Variants in NKAIN2 observed in about 807,000 individuals in gnomAD.
NKAIN2 encodes the protein sodium/potassium transporting ATPase interacting 2.
In NKAIN2, 14 loss-of-function variants were observed where a neutral mutation model predicts 32.6. That is an observed-to-expected ratio of 0.43 (90% CI 0.28 to 0.67). The LOEUF is 0.67. NKAIN2 is among the 30% of genes least tolerant of loss of function. NKAIN2 has a pLI of 0.17. For synonymous variants in NKAIN2, 80 were observed against 87.2 expected (o/e 0.92, Z 0.46); for missense variants, 198 against 258.3 (o/e 0.77, Z 1.60).
At chr6:123,978,944 C>T (rs561352781) in intron 1 of NKAIN2, among the ~76,000 whole-genome samples, 7 of 152,212 alleles carry the variant, frequency 4.6e-5, no homozygotes, top group South Asian at 4.2e-4. Flanking sequence ...GGACATTACC[C>T]TGTAGTTTCG....
intron 1 of NKAIN2, among the ~76,000 whole-genome samples, chr6:123,940,039 C>T (rs936423961): frequency 1.3e-5 from 2 of 151,798 alleles, no homozygotes; most frequent in Middle Eastern, 3.4e-3. Context: ...TTTATGGGCC[C>T]AGAGTGCTTA....
chr6:124,004,910 A>T (rs981237738), intron 1 of NKAIN2, among the ~76,000 whole-genome samples: 2 of 152,038 alleles, frequency 1.3e-5, no homozygotes, highest in Non-Finnish European at 1.5e-5. Context: ...TAAAAAAAAA[A>T]AAAGAATCTT....
intron 3 of NKAIN2, among the ~76,000 whole-genome samples, chr6:124,531,849 T>G (rs926182501): frequency 2.0e-5 from 3 of 152,296 alleles, no homozygotes; most frequent in African/African-American, 7.2e-5. Context: ...TTTTGTATTT[T>G]TTGTACAGAC....
At chr6:124,412,711 G>C (rs941882642) in intron 3 of NKAIN2, among the ~76,000 whole-genome samples, 1 of 152,144 alleles carries the variant, frequency 6.6e-6, no homozygotes, top group South Asian at 2.1e-4. Flanking sequence ...TGTCAGACAG[G>C]GACATTTAAG....
At chr6:124,240,601 C>G (rs1793032944) in intron 1 of NKAIN2, among the ~76,000 whole-genome samples, 1 of 152,100 alleles carries the variant, frequency 6.6e-6, no homozygotes, top group African/African-American at 2.4e-5. Context: ...ATACACTAAT[C>G]AATAAACATA....
intron 3 of NKAIN2, among the ~76,000 whole-genome samples, chr6:124,539,972 C>T (rs1278203017): frequency 2.0e-5 from 3 of 152,294 alleles, no homozygotes; most frequent in East Asian, 1.9e-4. Flanking sequence ...CTGCCCACCT[C>T]GGCCTCCCAA....
intron 1 of NKAIN2, among the ~76,000 whole-genome samples, chr6:124,179,980 T>G (rs1582801332): frequency 6.6e-6 from 1 of 152,320 alleles, no homozygotes; most frequent in East Asian, 1.9e-4. Flanking sequence ...TGCATAGTGC[T>G]GAGAGCCACA....
intron 1 of NKAIN2, among the ~76,000 whole-genome samples, chr6:124,202,495 G>A (rs1790641869): frequency 6.6e-6 from 1 of 151,914 alleles, no homozygotes; most frequent in South Asian, 2.1e-4. Flanking sequence ...CATACAGCAA[G>A]TCCTTGAGGG....
intron 1 of NKAIN2, among the ~76,000 whole-genome samples, chr6:123,935,057 ATATATATATTTC>A (rs1776433950): frequency 6.8e-6 from 1 of 147,362 alleles, no homozygotes; most frequent in South Asian, 2.1e-4. Flanking sequence ...AATATATATT[ATATATATATTTC>A]TATATATATA....
Position 124,346,307 on chromosome 6 carries a change from T to C in NKAIN2, c.193-8960T>C, listed in dbSNP as rs558085061. Among the ~76,000 whole-genome samples the C allele has an allele frequency of 1.1e-3, 172 of 152,322 alleles. 1 individual carries two copies. Among genetic ancestry groups the C allele is most frequent in the African/African-American group, 4.1e-3 (170 of 41,572 alleles). Reference sequence around the variant, plus strand: ...GTGTGGTGCTGAAAAAAATGTATATTCTGTTGATTTAGGGTGGAGAGTTCT... The same window carrying C: ...GTGTGGTGCTGAAAAAAATGTATATCCTGTTGATTTAGGGTGGAGAGTTCT... On this transcript the variant is annotated intron_variant, in intron 2 of 6. Coordinates refer to ENST00000368417, the MANE Select transcript of NKAIN2 (RefSeq NM_001040214.3).
At chr6:124,017,610 G>A (rs879276721) in intron 1 of NKAIN2, among the ~76,000 whole-genome samples, 5 of 152,052 alleles carry the variant, frequency 3.3e-5, no homozygotes, top group Non-Finnish European at 7.4e-5. Flanking sequence ...AAAATGAAGG[G>A]GGTATAGGCC....
chr6:124,657,843 T>C (rs1469880893), intron 3 of NKAIN2, among the ~76,000 whole-genome samples: 3 of 152,090 alleles, frequency 2.0e-5, no homozygotes, highest in African/African-American at 7.2e-5. Context: ...GATAAAAGTT[T>C]AAATCCTTCC....
intron 3 of NKAIN2, among the ~76,000 whole-genome samples, chr6:124,577,458 T>TG (rs1207677606): frequency 6.6e-6 from 1 of 152,030 alleles, no homozygotes; most frequent in Non-Finnish European, 1.5e-5. Flanking sequence ...CCTGTCACAG[T>TG]GGAAAACAAC....
intron 3 of NKAIN2, among the ~76,000 whole-genome samples, chr6:124,608,151 A>G (rs1782564437): frequency 6.6e-6 from 1 of 152,216 alleles, no homozygotes; most frequent in Non-Finnish European, 1.5e-5. Flanking sequence ...AGCAGTGATG[A>G]CATCCATGTT....
chr6:124,653,444 C>CAAAAAA (rs35842873), intron 3 of NKAIN2, among the ~76,000 whole-genome samples: 23 of 79,646 alleles, frequency 2.9e-4, no homozygotes, highest in East Asian at 8.0e-4. Context: ...CATCCACATG[C>CAAAAAA]AAAAAAAAAA....
chr6:124,155,476 A>C (rs1371813165), intron 1 of NKAIN2, among the ~76,000 whole-genome samples: 2 of 152,152 alleles, frequency 1.3e-5, no homozygotes, highest in Non-Finnish European at 2.9e-5. Context: ...ATGTTGAATG[A>C]GGTAAAGAAT....
At chr6:124,355,138 T>A in intron 2 of NKAIN2, 129 bp from the exon 3 acceptor site, 1 of 636,722 alleles carries the variant, frequency 1.6e-6, no homozygotes, top group Non-Finnish European at 2.8e-6. Context: ...ATCCTGTTCC[T>A]TAGAGAGAAG....
chr6:124,309,566 TA>T (rs773654139), intron 2 of NKAIN2, among the ~76,000 whole-genome samples: 9 of 152,146 alleles, frequency 5.9e-5, no homozygotes, highest in Non-Finnish European at 1.0e-4. Context: ...TTTAGCATAT[TA>T]TTTAAATAAT....
At chr6:124,438,001 T>A (rs1364300006) in intron 3 of NKAIN2, 1 of 387,480 alleles carries the variant, frequency 2.6e-6, no homozygotes, top group African/African-American at 2.2e-5. Flanking sequence ...GGCATGTGGA[T>A]ATAGCAAGAA....
Sources: allele counts gnomAD v4.1 joint callset (sites outside exome capture counted in the v4.1 genomes callset), GRCh38; gene constraint gnomAD v4.1.1; transcripts MANE v1.5; gene names NCBI Gene and HGNC (gene_info 2026-07-23, HGNC 2026-07-21).